SCYL2: variants seen among roughly 807,000 people sequenced by gnomAD.
SCYL2 encodes the protein SCY1-like protein 2.
A neutral mutation model predicts 100.4 loss-of-function variants in SCYL2; 36 were observed. The ratio of observed to expected loss-of-function variants is 0.36; its 90% CI spans 0.27 to 0.47. The LOEUF (loss-of-function observed/expected upper bound fraction) is 0.47. SCYL2 is among the 20% of genes least tolerant of loss of function. The pLI is 1.00. For synonymous variants in SCYL2, 330 were observed against 359.2 expected (o/e 0.92, Z 0.92); for missense variants, 902 against 1,083.9 (o/e 0.83, Z 2.36).
chr12:100,307,597 G>T (rs2096336214), intron 4 of SCYL2, among the ~76,000 whole-genome samples: 1 of 152,152 alleles, frequency 6.6e-6, no homozygotes, highest in Admixed American at 6.5e-5. Flanking sequence ...AAGACTTCAT[G>T]ACTAAAGCAC....
rs565980963 is a variant in SCYL2, at chr12:100,338,835, A to G, written c.2453A>G (p.Asn818Ser). Residue 818 changes from asparagine (N) to serine (S), a missense_variant, in exon 18 of 18, where the codon AAT becomes AGT. Transcript: ENST00000360820. ...ACACCTCCCACTTTGCCAAACTTCA[A>G]TGCTTTGAGTGTTCCTCCTGCTGGT... ...LGTPPTLPNF[N>S]ALSVPPAGAK... 51 of 1,614,188 alleles carry G rather than the reference A, an allele frequency of 3.2e-5. No homozygotes were observed. The highest frequency in any genetic ancestry group is 1.2e-4 in the African/African-American group (9 of 75,064).
At chr12:100,328,297 G>A (rs1020366151) in intron 12 of SCYL2, among the ~76,000 whole-genome samples, 2 of 152,154 alleles carry the variant, frequency 1.3e-5, no homozygotes, top group Admixed American at 1.3e-4. Context: ...GTCTTTTTGA[G>A]CAGGAGTTTG....
At chr12:100,317,210 TG>T (rs1252787904) in intron 9 of SCYL2, among the ~76,000 whole-genome samples, 2 of 152,166 alleles carry the variant, frequency 1.3e-5, no homozygotes, top group African/African-American at 2.4e-5. Flanking sequence ...TTTAGGTATG[TG>T]GAAGAATGAC....
chr12:100,315,542 C>CATT lies in SCYL2; in HGVS notation c.1096-15_1096-13dup. The stretch of plus-strand genomic sequence containing the variant: ...TAAATTTTATTTTTTTTTTAAAAAA[C>CATT]ATTTTTGCCTTTCAGCGTGTCATTG... On this transcript the variant is annotated splice_polypyrimidine_tract_variant and intron_variant, in intron 8 of 17. Coordinates refer to ENST00000360820, the MANE Select transcript of SCYL2 (RefSeq NM_017988.6). The CATT allele has an allele frequency of 6.5e-7, 1 of 1,549,802 alleles. No individual in the cohort carries two copies. Among genetic ancestry groups the CATT allele is most frequent in the Non-Finnish European group, 8.7e-7 (1 of 1,151,868 alleles).
intron 10 of SCYL2, among the ~76,000 whole-genome samples, chr12:100,319,462 A>G (rs2096353160): frequency 1.3e-5 from 2 of 152,234 alleles, no homozygotes; most frequent in Admixed American, 1.3e-4. Flanking sequence ...AATTTGACCA[A>G]TAAGTGTCAG....
intron 9 of SCYL2, among the ~76,000 whole-genome samples, chr12:100,317,064 C>G (rs1327601566): frequency 6.6e-6 from 1 of 151,470 alleles, no homozygotes; most frequent in East Asian, 1.9e-4. Context: ...CCACTGCGCT[C>G]CAGCCTGGGT....
At chr12:100,290,956 G>A (rs1431814871) in intron 2 of SCYL2, among the ~76,000 whole-genome samples, 1 of 152,154 alleles carries the variant, frequency 6.6e-6, no homozygotes, top group Non-Finnish European at 1.5e-5. Flanking sequence ...AAGAGAGGTG[G>A]TGGGAGAGCA....
At chr12:100,284,759 G>A (rs748373787) in intron 2 of SCYL2, among the ~76,000 whole-genome samples, 23 of 152,054 alleles carry the variant, frequency 1.5e-4, no homozygotes, top group African/African-American at 2.4e-4. Context: ...CACCGCGCCC[G>A]GCCTAGTTTC....
chr12:100,328,654 A>G (rs1952168908), intron 12 of SCYL2, among the ~76,000 whole-genome samples: 1 of 152,244 alleles, frequency 6.6e-6, no homozygotes, highest in Admixed American at 6.5e-5. Flanking sequence ...GGCTTTGTGG[A>G]TAGATGTAAC....
At chr12:100,323,450 A>G (rs933438649) in intron 10 of SCYL2, 75 bp from the exon 11 acceptor site, 40 of 867,380 alleles carry the variant, frequency 4.6e-5, no homozygotes, top group Non-Finnish European at 6.8e-5. Context: ...TAGCCATGCA[A>G]ATGCAAAACT....
chr12:100,299,572 C>G (rs956328103), intron 4 of SCYL2, among the ~76,000 whole-genome samples: 1 of 152,170 alleles, frequency 6.6e-6, no homozygotes. Flanking sequence ...CTTTCTATCA[C>G]TATGGGTAGA....
chr12:100,313,607 G>A (rs545781894), intron 7 of SCYL2, 69 bp downstream of exon 7: 3 of 831,394 alleles, frequency 3.6e-6, no homozygotes, highest in African/African-American at 3.5e-5. Context: ...TAAGTTTTTG[G>A]GTTTTAAAAA....
chr12:100,314,597 C>G lies in SCYL2; in HGVS notation c.1078C>G (p.Leu360Val). ...GTTTTTCAAAGGACTGCCAAAGGTT[C>G]TACCAAAACTGCCCAAGGTTTGTTA... ...SQFFKGLPKV[L>V]PKLPKRVIVQ... The change falls in exon 8 of 18, where the codon CTA becomes GTA. Residue 360 changes from leucine (L) to valine (V), a missense_variant. By Grantham distance (32) the Leu-to-Val change is conservative. Coordinates refer to ENST00000360820, the MANE Select transcript of SCYL2 (RefSeq NM_017988.6). 2 of 1,596,976 alleles carry G rather than the reference C, an allele frequency of 1.3e-6. No individual in the cohort carries two copies. The highest frequency in any genetic ancestry group is 1.7e-6 in the Non-Finnish European group (2 of 1,175,216).
At chr12:100,311,234 A>C (rs769185241) in intron 5 of SCYL2, 41 bp downstream of exon 5, 6 of 1,560,878 alleles carry the variant, frequency 3.8e-6, no homozygotes, top group Non-Finnish European at 5.2e-6. Context: ...AGGCCAGGGA[A>C]ATTTTGATTG....
chr12:100,318,930 G>T (rs2096352528), intron 10 of SCYL2, among the ~76,000 whole-genome samples: 1 of 152,150 alleles, frequency 6.6e-6, no homozygotes, highest in South Asian at 2.1e-4. Context: ...TTGTCTGAAA[G>T]AAATTCTGGA....
chr12:100,305,238 G>A (rs1257547804), intron 4 of SCYL2, among the ~76,000 whole-genome samples: 2 of 152,124 alleles, frequency 1.3e-5, no homozygotes. Flanking sequence ...TTCTAAAATT[G>A]ACCACATAAT....
At chr12:100,324,235 T>C (rs935454568) in intron 11 of SCYL2, among the ~76,000 whole-genome samples, 2 of 152,186 alleles carry the variant, frequency 1.3e-5, no homozygotes, top group Non-Finnish European at 2.9e-5. Flanking sequence ...GTTTTCATTA[T>C]CTCATATTGA....
At chr12:100,333,014 C>T (rs1001089185) in intron 13 of SCYL2, among the ~76,000 whole-genome samples, 1 of 151,732 alleles carries the variant, frequency 6.6e-6, no homozygotes, top group African/African-American at 2.4e-5. Context: ...CATGCCTGGA[C>T]CGATGTTGTT....
intron 5 of SCYL2, among the ~76,000 whole-genome samples, chr12:100,311,616 T>C (rs2135900118): frequency 6.6e-6 from 1 of 152,222 alleles, no homozygotes; most frequent in Admixed American, 6.5e-5. Flanking sequence ...TCACAATAAC[T>C]CAGTGGGGTA....
Sources: allele counts gnomAD v4.1 joint callset (sites outside exome capture counted in the v4.1 genomes callset), GRCh38; gene constraint gnomAD v4.1.1; transcripts MANE v1.5; gene names NCBI Gene and HGNC (gene_info 2026-07-23, HGNC 2026-07-21).